The following KLF12 variants were observed in gnomAD, a reference collection of about 807,000 sequenced individuals.
KLF12 encodes the protein KLF transcription factor 12, also known as Krueppel-like factor 12.
In KLF12, 9 loss-of-function variants were observed where a neutral mutation model predicts 37.8. The ratio of observed to expected loss-of-function variants is 0.24; its 90% CI spans 0.14 to 0.42. The LOEUF is 0.42. Among genes scored for constraint, KLF12 ranks in the 10% least tolerant of loss-of-function variants. KLF12 has a pLI of 1.00. For missense variants in KLF12, 411 were observed against 516.0 expected (o/e 0.80, Z 1.97); for synonymous variants, 208 against 202.1 (o/e 1.03, Z -0.25).
At chr13:74,041,209 A>T (rs1893394041) in intron 1 of KLF12, among the ~76,000 whole-genome samples, 1 of 152,178 alleles carries the variant, frequency 6.6e-6, no homozygotes, top group South Asian at 2.1e-4. Context: ...CCTAGCTTTA[A>T]AGCAACTTCT....
chr13:73,766,925 G>T (rs1312598319), intron 5 of KLF12, among the ~76,000 whole-genome samples: 3 of 152,160 alleles, frequency 2.0e-5, no homozygotes, highest in Non-Finnish European at 4.4e-5. Context: ...TGCAAATGGA[G>T]AATTTCTATA....
chr13:74,103,627 A>G (rs958140337), intron 1 of KLF12, among the ~76,000 whole-genome samples: 12 of 152,204 alleles, frequency 7.9e-5, no homozygotes, highest in African/African-American at 1.9e-4. Flanking sequence ...TTTGTATTTA[A>G]CTATACTGAT....
chr13:74,268,588 T>G, the KLF12 span, among the ~76,000 whole-genome samples: 1 of 152,216 alleles, frequency 6.6e-6, no homozygotes, highest in African/African-American at 2.4e-5. Context: ...TCTTACAGTT[T>G]CATTTAGGAG....
At position 74,110,955 on chromosome 13, in the gene KLF12, C is replaced by T. The variant is rs183170691; in HGVS notation, c.-32+22784G>A. Among the ~76,000 whole-genome samples, 485 of 152,090 alleles carry T rather than the reference C, an allele frequency of 3.2e-3. 1 individual carries two copies. The highest frequency in any genetic ancestry group is 5.9e-3 in the Non-Finnish European group (404 of 67,998). ...ATCACCTGAGGTCAGGAGTACGAGA[C>T]CAGCCTGACCAACATGGTGAAACCC... is the stretch of plus-strand genomic sequence containing the variant. On this transcript the variant is annotated intron_variant, in intron 1 of 7. Coordinates refer to ENST00000377669, the MANE Select transcript of KLF12 (RefSeq NM_007249.5).
intron 4 of KLF12, among the ~76,000 whole-genome samples, chr13:73,837,988 T>C (rs1271066571): frequency 6.6e-6 from 1 of 152,124 alleles, no homozygotes; most frequent in Non-Finnish European, 1.5e-5. Flanking sequence ...GTCTGTGACA[T>C]GAACGAAATC....
chr13:73,913,075 G>A (rs577374608), intron 3 of KLF12, among the ~76,000 whole-genome samples: 30 of 152,226 alleles, frequency 2.0e-4, no homozygotes, highest in Non-Finnish European at 5.9e-5. Flanking sequence ...TCTCCGACAC[G>A]TATCTGTCTT....
chr13:73,836,081 A>G (rs1427511111), intron 4 of KLF12, among the ~76,000 whole-genome samples: 2 of 152,312 alleles, frequency 1.3e-5, no homozygotes, highest in South Asian at 2.1e-4. Flanking sequence ...TGAAAAACAC[A>G]TACAATTGGC....
chr13:73,752,874 CATT>C (rs1335163398), intron 6 of KLF12, among the ~76,000 whole-genome samples: 1 of 151,634 alleles, frequency 6.6e-6, no homozygotes, highest in African/African-American at 2.4e-5. Flanking sequence ...CCGCCACCAT[CATT>C]ATGTATTTTT....
At chr13:73,811,097 T>C (rs1447338564) in intron 5 of KLF12, among the ~76,000 whole-genome samples, 4 of 147,704 alleles carry the variant, frequency 2.7e-5, no homozygotes, top group African/African-American at 2.5e-5. Flanking sequence ...GTGATTCTCC[T>C]GCCTCAGCCT....
chr13:74,226,643 A>T, the KLF12 span, among the ~76,000 whole-genome samples: 3 of 152,114 alleles, frequency 2.0e-5, no homozygotes. Flanking sequence ...TGCCTTCAAT[A>T]TGCTTTAAAG....
chr13:74,132,892 G>A (rs1366898952), intron 1 of KLF12, among the ~76,000 whole-genome samples: 5 of 152,154 alleles, frequency 3.3e-5, no homozygotes, highest in African/African-American at 9.7e-5. Flanking sequence ...GATTCTCCCC[G>A]TAGGGGAGCA....
intron 1 of KLF12, among the ~76,000 whole-genome samples, chr13:74,068,253 A>G (rs981460201): frequency 1.3e-5 from 2 of 152,254 alleles, no homozygotes; most frequent in Admixed American, 6.5e-5. Context: ...AATAAGTTGT[A>G]TGTTTTGAAA....
At chr13:74,148,742 TTTTTGTTTTG>T in the KLF12 span, among the ~76,000 whole-genome samples, 5 of 152,192 alleles carry the variant, frequency 3.3e-5, no homozygotes, top group East Asian at 1.9e-4. Flanking sequence ...TTCTCCAGTT[TTTTTGTTTTG>T]TTTTGTTTTG....
At chr13:74,009,830 G>A (rs1892504965) in intron 1 of KLF12, among the ~76,000 whole-genome samples, 1 of 152,192 alleles carries the variant, frequency 6.6e-6, no homozygotes, top group Non-Finnish European at 1.5e-5. Flanking sequence ...GGAGCCACTG[G>A]CAGACTGACT....
At chr13:74,009,658 G>T (rs1227756302) in intron 1 of KLF12, among the ~76,000 whole-genome samples, 1 of 152,174 alleles carries the variant, frequency 6.6e-6, no homozygotes, top group Non-Finnish European at 1.5e-5. Flanking sequence ...TAAACGGCTT[G>T]ATTTGCTGGC....
At chr13:73,772,392 T>C (rs1880325440) in intron 5 of KLF12, among the ~76,000 whole-genome samples, 1 of 152,176 alleles carries the variant, frequency 6.6e-6, no homozygotes, top group Admixed American at 6.5e-5. Flanking sequence ...GATGGTGCCA[T>C]GTGATAAACA....
rs539276235 is a variant in KLF12, at chr13:74,010,574, T to C, written c.-31-15521A>G. Among the ~76,000 whole-genome samples the C allele has an allele frequency of 2.3e-4, 35 of 152,310 alleles. No homozygotes were observed. The South Asian group carries it at 2.7e-3, about 12-fold the overall frequency. On this transcript the variant is annotated intron_variant, in intron 1 of 7. Coordinates refer to ENST00000377669, the MANE Select transcript of KLF12 (RefSeq NM_007249.5). Reference sequence around the variant, plus strand: ...GCCTACTTTGCATCATTTTGTCATATTTGGAGAATCTAAAACATGTAATTT... The same window carrying C: ...GCCTACTTTGCATCATTTTGTCATACTTGGAGAATCTAAAACATGTAATTT...
At chr13:73,975,142 G>GT (rs1356571593) in intron 2 of KLF12, among the ~76,000 whole-genome samples, 1 of 152,146 alleles carries the variant, frequency 6.6e-6, no homozygotes, top group African/African-American at 2.4e-5. Context: ...TAATTCAAAA[G>GT]TAACTTTTTT....
the KLF12 span, among the ~76,000 whole-genome samples, chr13:74,295,621 T>C: frequency 6.6e-6 from 1 of 152,216 alleles, no homozygotes; most frequent in African/African-American, 2.4e-5. Flanking sequence ...GACTTTCCCT[T>C]ATTTTTCGAT....
Sources: allele counts gnomAD v4.1 joint callset (sites outside exome capture counted in the v4.1 genomes callset), GRCh38; gene constraint gnomAD v4.1.1; transcripts MANE v1.5; gene names NCBI Gene and HGNC (gene_info 2026-07-23, HGNC 2026-07-21).